Variants in ARHGEF38 observed in about 807,000 individuals in gnomAD.
ARHGEF38 encodes the protein Rho guanine nucleotide exchange factor 38.
In ARHGEF38, 79 loss-of-function variants were observed where a neutral mutation model predicts 79.9. The observed-to-expected ratio is 0.99, with a 90% confidence interval of 0.82 to 1.19. The LOEUF (loss-of-function observed/expected upper bound fraction) is 1.19. Among genes scored for constraint, ARHGEF38 ranks in the 50% most tolerant of loss-of-function variants. The pLI is 0.00. For synonymous variants in ARHGEF38, 366 were observed against 328.3 expected (o/e 1.11, Z -1.24); for missense variants, 962 against 907.2 (o/e 1.06, Z -0.78).
chr4:105,623,725 G>A (rs1280138244), intron 3 of ARHGEF38, among the ~76,000 whole-genome samples: 3 of 152,128 alleles, frequency 2.0e-5, no homozygotes, highest in Admixed American at 2.0e-4. Context: ...TTCCATTACT[G>A]AGACAAAAAC....
At chr4:105,611,219 T>C (rs955458097) in intron 2 of ARHGEF38, among the ~76,000 whole-genome samples, 1 of 152,100 alleles carries the variant, frequency 6.6e-6, no homozygotes, top group Non-Finnish European at 1.5e-5. Context: ...CACTGTATGA[T>C]TTACTGCTGA....
chr4:105,633,089 A>G (rs1729261111), intron 4 of ARHGEF38: 1 of 152,776 alleles, frequency 6.5e-6, no homozygotes, highest in South Asian at 2.1e-4. Flanking sequence ...CCATGCCCCA[A>G]ATTTTGAGTT....
chr4:105,593,006 T>A (rs1727411560), intron 2 of ARHGEF38, among the ~76,000 whole-genome samples: 1 of 152,182 alleles, frequency 6.6e-6, no homozygotes, highest in Non-Finnish European at 1.5e-5. Flanking sequence ...ACCCTCCTTA[T>A]GGAATCATTC....
chr4:105,604,439 C>G (rs948297231), intron 2 of ARHGEF38, among the ~76,000 whole-genome samples: 1 of 152,160 alleles, frequency 6.6e-6, no homozygotes, highest in Non-Finnish European at 1.5e-5. Context: ...TCTGTTTCAG[C>G]CTTCTTTTTT....
At chr4:105,590,696 T>A (rs1438371323) in intron 2 of ARHGEF38, among the ~76,000 whole-genome samples, 1 of 152,192 alleles carries the variant, frequency 6.6e-6, no homozygotes, top group Non-Finnish European at 1.5e-5. Flanking sequence ...AGGGTATGCA[T>A]ATTTAAGATT....
Position 105,580,714 on chromosome 4 carries a change from T to C in ARHGEF38, c.197-8534T>C, listed in dbSNP as rs185634994. On this transcript the variant is annotated intron_variant, in intron 1 of 13. Transcript: ENST00000420470. Reference sequence around the variant, plus strand: ...ATTCTGGTTTTTTTGTTTGTGTCTTTGTTTGTTTGTTTTTTTGAGACAGAG... The same window carrying C: ...ATTCTGGTTTTTTTGTTTGTGTCTTCGTTTGTTTGTTTTTTTGAGACAGAG... Among the ~76,000 whole-genome samples the C allele has an allele frequency of 2.0e-5, 3 of 152,144 alleles. 1 individual carries two copies. Among genetic ancestry groups the C allele is most frequent in the Admixed American group, 2.0e-4 (3 of 15,282 alleles).
chr4:105,569,698 C>G (rs1726121608), intron 1 of ARHGEF38, among the ~76,000 whole-genome samples: 1 of 152,186 alleles, frequency 6.6e-6, no homozygotes, highest in South Asian at 2.1e-4. Context: ...TGGCCCTCCA[C>G]TTTCAGTGGT....
chr4:105,658,125 A>G (rs529421259), intron 9 of ARHGEF38, among the ~76,000 whole-genome samples: 1 of 152,332 alleles, frequency 6.6e-6, no homozygotes, highest in South Asian at 2.1e-4. Context: ...AGACACAGAA[A>G]CAGCATCAGC....
At chr4:105,586,507 A>G (rs1370586940) in intron 1 of ARHGEF38, among the ~76,000 whole-genome samples, 1 of 152,180 alleles carries the variant, frequency 6.6e-6, no homozygotes, top group Admixed American at 6.5e-5. Flanking sequence ...ACAAAATCTG[A>G]TGTAGTACAT....
At chr4:105,616,817 T>G (rs78724771) in intron 3 of ARHGEF38, among the ~76,000 whole-genome samples, 1 of 152,322 alleles carries the variant, frequency 6.6e-6, no homozygotes, top group African/African-American at 2.4e-5. Flanking sequence ...TGTCAAAGTT[T>G]AGTCATTATT....
At chr4:105,658,954 G>A in intron 9 of ARHGEF38, 100 bp from the exon 10 acceptor site, 1 of 1,037,208 alleles carries the variant, frequency 9.6e-7, no homozygotes, top group Non-Finnish European at 1.4e-6. Context: ...GTTTTCTTTT[G>A]TGCTTCTCGT....
At chr4:105,640,756 T>C (rs1173061615) in intron 5 of ARHGEF38, among the ~76,000 whole-genome samples, 1 of 152,210 alleles carries the variant, frequency 6.6e-6, no homozygotes, top group Non-Finnish European at 1.5e-5. Flanking sequence ...TGCTATCGAA[T>C]TCTAAATTGG....
rs182552390 is a variant in ARHGEF38 at position 105,631,571 on chromosome 4, G to C, written c.656+526G>C. 25 of 985,348 alleles carry C rather than the reference G, an allele frequency of 2.5e-5. No individual in the cohort carries two copies. In the Admixed American group the frequency reaches 1.5e-3, roughly 58 times the overall value. 61.0% of individuals were successfully genotyped at this position (985,348 alleles called of 1,614,324 possible). On this transcript the variant is annotated intron_variant, in intron 4 of 13. Coordinates refer to ENST00000420470, the MANE Select transcript of ARHGEF38 (RefSeq NM_001242729.2). Reference sequence around the variant, plus strand: ...CCTTTCTCATCCCTAAAACATTGGTGGGGGAGCTACACAATGTACTTTTTC... The same window carrying C: ...CCTTTCTCATCCCTAAAACATTGGTCGGGGAGCTACACAATGTACTTTTTC...
At chr4:105,555,338 A>G (rs1725201802) in intron 1 of ARHGEF38, among the ~76,000 whole-genome samples, 1 of 152,224 alleles carries the variant, frequency 6.6e-6, no homozygotes, top group South Asian at 2.1e-4. Flanking sequence ...AAGTCTGATT[A>G]TCGAACGCCT....
In ARHGEF38 at chr4:105,601,959, T is replaced by G. The variant is rs540053742; in HGVS notation, c.385-11425T>G. Among the ~76,000 whole-genome samples the G allele has an allele frequency of 2.0e-5, 3 of 152,324 alleles. No homozygotes were observed. The East Asian group carries it at 5.8e-4, about 29-fold the overall frequency. On this transcript the variant is annotated intron_variant, in intron 2 of 13. Transcript: ENST00000420470. ...TCCTTTATGAATCATGAATTTTGTCTCATTTGTTCACTGCTATATCCCCAG... is the reference window on the plus strand; with the variant it reads ...TCCTTTATGAATCATGAATTTTGTCGCATTTGTTCACTGCTATATCCCCAG...
intron 4 of ARHGEF38, chr4:105,631,264 T>C: frequency 8.2e-7 from 1 of 1,219,956 alleles, no homozygotes; most frequent in Non-Finnish European, 1.0e-6. Context: ...TGGAAGAAGA[T>C]TTAGAGCTCT....
intron 3 of ARHGEF38, among the ~76,000 whole-genome samples, chr4:105,617,944 A>G (rs73837075): frequency 0.01 from 1,577 of 152,286 alleles, 27 homozygotes; most frequent in African/African-American, 0.036. Context: ...AGATTTCACA[A>G]TCTACATTTG....
chr4:105,645,359 C>G lies in ARHGEF38; in HGVS notation c.846C>G (p.Ile282Met), dbSNP rs1424024055. 3 of 1,526,010 alleles carry G rather than the reference C, an allele frequency of 2.0e-6. No individual in the cohort carries two copies. Among genetic ancestry groups the G allele is most frequent in the Non-Finnish European group, 2.6e-6 (3 of 1,143,798 alleles). The allele number at this position is 1,526,010 out of a possible 1,614,324, so 94.5% of individuals were successfully genotyped here. Residue 282 changes from isoleucine (I) to methionine (M), a missense_variant, in exon 6 of 14, where the codon ATC (isoleucine) becomes ATG (methionine). Coordinates refer to ENST00000420470, the MANE Select transcript of ARHGEF38 (RefSeq NM_001242729.2). Reference sequence around the variant, plus strand: ...CTGTGAAGGACATTAATGTTAACATCAATGAACTTAAAAGAAGGAAAGATT... The same window carrying G: ...CTGTGAAGGACATTAATGTTAACATGAATGAACTTAAAAGAAGGAAAGATT... ...FAAVKDINVN[I>M]NELKRRKDLV...
intron 2 of ARHGEF38, among the ~76,000 whole-genome samples, chr4:105,598,810 T>C (rs1727698606): frequency 6.6e-6 from 1 of 152,018 alleles, no homozygotes; most frequent in Non-Finnish European, 1.5e-5. Context: ...AAAAACTCAA[T>C]AAAATTTTTC....
Sources: allele counts gnomAD v4.1 joint callset (sites outside exome capture counted in the v4.1 genomes callset), GRCh38; gene constraint gnomAD v4.1.1; transcripts MANE v1.5; gene names NCBI Gene and HGNC (gene_info 2026-07-23, HGNC 2026-07-21).